Variants in DNER observed in about 807,000 individuals in gnomAD.
DNER encodes the protein delta and Notch-like epidermal growth factor-related receptor.
A neutral mutation model predicts 78.2 loss-of-function variants in DNER; 33 were observed. The ratio of observed to expected loss-of-function variants is 0.42; its 90% CI spans 0.32 to 0.56. The LOEUF is 0.56. Among genes scored for constraint, DNER ranks in the 20% least tolerant of loss-of-function variants. The pLI, the probability that DNER is intolerant of heterozygous loss-of-function variation, is 0.11. For missense variants in DNER, 918 were observed against 975.3 expected (o/e 0.94, Z 0.78); for synonymous variants, 417 against 384.8 (o/e 1.08, Z -0.98).
rs540325685 is a variant in DNER at position 229,432,979 on chromosome 2, G to A, written c.1486+14337C>T. Among the ~76,000 whole-genome samples the A allele has an allele frequency of 3.2e-4, 48 of 152,132 alleles. No individual in the cohort carries two copies. The South Asian group carries it at 4.4e-3, about 14-fold the overall frequency. On this transcript the variant is annotated intron_variant, in intron 8 of 12. Coordinates refer to ENST00000341772, the MANE Select transcript of DNER (RefSeq NM_139072.4). ...TTTTGAGATGGAGTTTCACTCTGTC[G>A]CCCAGGCTGGAGTGCAAAGGCGCAA...
chr2:229,596,933 A>ACATG (rs1697725467), intron 1 of DNER, among the ~76,000 whole-genome samples: 2 of 152,242 alleles, frequency 1.3e-5, no homozygotes, highest in African/African-American at 4.8e-5. Context: ...ATGCACACGC[A>ACATG]CATGCACATG....
intron 12 of DNER, among the ~76,000 whole-genome samples, chr2:229,361,106 C>T (rs1265641169): frequency 6.6e-6 from 1 of 152,144 alleles, no homozygotes; most frequent in African/African-American, 2.4e-5. Context: ...TTTTAAAACA[C>T]ACAGTACAAT....
At chr2:229,586,387 G>A (rs1289300718) in intron 3 of DNER, among the ~76,000 whole-genome samples, 2 of 151,152 alleles carry the variant, frequency 1.3e-5, no homozygotes, top group Non-Finnish European at 2.9e-5. Flanking sequence ...GAGTTATGCT[G>A]CCAAAATAAG....
At chr2:229,382,403 G>A (rs1692761467) in intron 11 of DNER, among the ~76,000 whole-genome samples, 1 of 152,156 alleles carries the variant, frequency 6.6e-6, no homozygotes, top group South Asian at 2.1e-4. Context: ...AACAGAACTG[G>A]ACAGAGAATG....
chr2:229,496,854 A>G (rs1250042847), intron 6 of DNER, among the ~76,000 whole-genome samples: 3 of 152,206 alleles, frequency 2.0e-5, no homozygotes, highest in Non-Finnish European at 4.4e-5. Context: ...ATACAATAGC[A>G]GGGGACTTCA....
chr2:229,676,182 C>G (rs538670764), intron 1 of DNER, among the ~76,000 whole-genome samples: 14 of 152,280 alleles, frequency 9.2e-5, no homozygotes, highest in Middle Eastern at 3.4e-3. Context: ...AAGGCATATG[C>G]CTTACAAGAG....
At chr2:229,496,443 A>G (rs1400062907) in intron 6 of DNER, among the ~76,000 whole-genome samples, 1 of 152,226 alleles carries the variant, frequency 6.6e-6, no homozygotes, top group Non-Finnish European at 1.5e-5. Context: ...AGAGAGTAGT[A>G]AGTCCTCACC....
intron 7 of DNER, among the ~76,000 whole-genome samples, chr2:229,473,977 T>C (rs914812665): frequency 6.6e-6 from 1 of 152,090 alleles, no homozygotes; most frequent in Admixed American, 6.6e-5. Flanking sequence ...ACAATCTCGG[T>C]TCACTGCAAC....
At chr2:229,454,611 A>G (rs1027546612) in intron 7 of DNER, among the ~76,000 whole-genome samples, 11 of 152,124 alleles carry the variant, frequency 7.2e-5, no homozygotes, top group African/African-American at 2.4e-4. Context: ...CACTTTTGGC[A>G]TATTATCCAG....
chr2:229,689,434 T>C (rs1699533484), intron 1 of DNER, among the ~76,000 whole-genome samples: 2 of 152,210 alleles, frequency 1.3e-5, no homozygotes, highest in Admixed American at 6.5e-5. Context: ...CTGCACACAA[T>C]TTATTTTAGC....
chr2:229,666,700 A>G lies in DNER; in HGVS notation c.276+47448T>C, dbSNP rs143348964. Among the ~76,000 whole-genome samples, 16 of 152,358 alleles carry G rather than the reference A, an allele frequency of 1.1e-4. No individual in the cohort carries two copies. The East Asian group carries it at 3.1e-3, about 29-fold the overall frequency. On this transcript the variant is annotated intron_variant, in intron 1 of 12. Transcript: ENST00000341772. ...GCTGTTTTACAGAAAGTGCTAACCC[A>G]TATCATGATTTCTGACCATGACCCT...
intron 6 of DNER, among the ~76,000 whole-genome samples, chr2:229,488,707 C>A (rs1321556182): frequency 6.6e-6 from 1 of 152,224 alleles, no homozygotes; most frequent in Non-Finnish European, 1.5e-5. Flanking sequence ...CCAACCAAGG[C>A]CAGCCCTGAG....
At chr2:229,592,090 C>A (rs1697619335) in intron 1 of DNER, among the ~76,000 whole-genome samples, 1 of 152,170 alleles carries the variant, frequency 6.6e-6, no homozygotes, top group Non-Finnish European at 1.5e-5. Context: ...AGATAAGAGG[C>A]ACCCAGCAAG....
Position 229,547,048 on chromosome 2 carries a change from A to C in DNER, c.892T>G (p.Leu298Val), listed in dbSNP as rs748783338. 1 of 1,614,186 alleles carries C rather than the reference A, an allele frequency of 6.2e-7. No homozygotes were observed. The highest frequency in any genetic ancestry group is 1.1e-5 in the South Asian group (1 of 91,086). The change falls in exon 5 of 13, where the codon TTA (leucine) becomes GTA (valine). Residue 298 changes from leucine to valine, a missense_variant. Coordinates refer to ENST00000341772, the MANE Select transcript of DNER (RefSeq NM_139072.4). ...SVTKSIVALR[L>V]TLVVKVSTCV... ...GTGCTGACCTTCACCACCAGAGTTA[A>C]GCGCAAAGCCACAATAGACTTAGTC...
chr2:229,432,514 A>C (rs1487992767), intron 8 of DNER, among the ~76,000 whole-genome samples: 1 of 152,248 alleles, frequency 6.6e-6, no homozygotes, highest in African/African-American at 2.4e-5. Context: ...GAAGAGTTTT[A>C]AAATGTTTAT....
At chr2:229,643,334 A>G (rs2007965) in intron 1 of DNER, among the ~76,000 whole-genome samples, 66,114 of 152,148 alleles carry the variant, frequency 0.43, 17,608 homozygotes, top group Non-Finnish European at 0.6. Context: ...GAATACTGTG[A>G]TGACACCTAT....
At chr2:229,692,288 C>T (rs13388055) in intron 1 of DNER, among the ~76,000 whole-genome samples, 1,950 of 152,264 alleles carry the variant, frequency 0.013, 40 homozygotes, top group African/African-American at 0.045. Context: ...TTAGATATCA[C>T]TTGATTGCTA....
intron 11 of DNER, among the ~76,000 whole-genome samples, chr2:229,372,287 G>A (rs1194931194): frequency 2.6e-5 from 4 of 152,240 alleles, no homozygotes; most frequent in South Asian, 2.1e-4. Flanking sequence ...TACAAGGGAC[G>A]AGCTCTTCAG....
chr2:229,510,426 G>A (rs1695842062), intron 6 of DNER, among the ~76,000 whole-genome samples: 1 of 152,228 alleles, frequency 6.6e-6, no homozygotes, highest in Non-Finnish European at 1.5e-5. Flanking sequence ...GTCAAGAATT[G>A]TTGGAGGAAC....
Sources: gnomAD v4.1 joint callset for allele counts (sites outside exome capture counted in the v4.1 genomes callset) on GRCh38, gnomAD v4.1.1 for gene constraint, MANE v1.5 for transcripts, NCBI Gene and HGNC (gene_info 2026-07-23, HGNC 2026-07-21) for gene names.